The following ECT2L variants were observed in gnomAD, a reference collection of about 807,000 sequenced individuals.
ECT2L encodes the protein epithelial cell-transforming sequence 2 oncogene-like.
In ECT2L, 126 loss-of-function variants were observed where a neutral mutation model predicts 122.8. That is an observed-to-expected ratio of 1.03 (90% confidence interval 0.89 to 1.19). The LOEUF is 1.19. Ranked by LOEUF, ECT2L falls within the 50% of genes most tolerant of loss-of-function variation. The pLI, the probability that ECT2L is intolerant of heterozygous loss-of-function variation, is 0.00. For missense variants in ECT2L, 1,012 were observed against 1,064.1 expected, an observed-to-expected ratio of 0.95 and a Z score of 0.68; for synonymous variants, 385 against 381.8, an observed-to-expected ratio of 1.01 and a Z score of -0.10.
chr6:138,891,733 T>C (rs1779034700), intron 20 of ECT2L, among the ~76,000 whole-genome samples: 1 of 152,202 alleles, frequency 6.6e-6, no homozygotes, highest in Admixed American at 6.5e-5. Flanking sequence ...CCCAACCATC[T>C]TGGGCACATT....
chr6:138,825,631 G>A (rs1461630200), intron 4 of ECT2L, among the ~76,000 whole-genome samples: 1 of 151,872 alleles, frequency 6.6e-6, no homozygotes, highest in East Asian at 1.9e-4. Flanking sequence ...GCAAAAAGAG[G>A]GAAATACCAA....
intron 1 of ECT2L, among the ~76,000 whole-genome samples, chr6:138,804,767 AT>A (rs1562448844): frequency 6.6e-6 from 1 of 152,154 alleles, no homozygotes; most frequent in Non-Finnish European, 1.5e-5. Flanking sequence ...AAGTTTTATA[AT>A]TTTCTTCATA....
rs201386709 is a variant in ECT2L, at chr6:138,882,754, G to A, written c.1911G>A (p.Leu637=). The A allele has an allele frequency of 3.1e-4, 499 of 1,614,088 alleles. No individual in the cohort carries two copies. The highest frequency in any genetic ancestry group is 4.1e-4 in the Non-Finnish European group (487 of 1,180,036). ...TTCTAGATAACCTGAGAGACAGACT[G>A]CAGGAATGGGGCCCAGCTCACTGTG... ...RQFLDNLRDR[L]QEWGPAHCVG... The change falls in exon 16 of 22, where the codon CTG becomes CTA. Residue 637 remains leucine, a synonymous_variant. Transcript: ENST00000541398.
intron 4 of ECT2L, among the ~76,000 whole-genome samples, chr6:138,824,658 TATGAGACGGC>T (rs1191798120): frequency 6.6e-6 from 1 of 151,740 alleles, no homozygotes; most frequent in Non-Finnish European, 1.5e-5. Context: ...CAGCAAAGGT[TATGAGACGGC>T]ATTAAGCAGG....
At chr6:138,892,640 C>A (rs1779069012) in intron 20 of ECT2L, among the ~76,000 whole-genome samples, 1 of 152,158 alleles carries the variant, frequency 6.6e-6, no homozygotes, top group African/African-American at 2.4e-5. Context: ...ATTACAGGCA[C>A]GTGCCACCAC....
chr6:138,898,417 C>A (rs1276773536), intron 20 of ECT2L, among the ~76,000 whole-genome samples: 1 of 152,202 alleles, frequency 6.6e-6, no homozygotes, highest in African/African-American at 2.4e-5. Flanking sequence ...TAAAACAACT[C>A]CTACTTCCTA....
chr6:138,847,239 G>A (rs967706305), intron 8 of ECT2L, among the ~76,000 whole-genome samples: 3 of 151,278 alleles, frequency 2.0e-5, no homozygotes, highest in East Asian at 3.9e-4. Flanking sequence ...CTCCAACCTG[G>A]GTGACAGAGT....
chr6:138,894,312 C>T (rs1285170003), intron 20 of ECT2L, among the ~76,000 whole-genome samples: 3 of 152,098 alleles, frequency 2.0e-5, no homozygotes, highest in Non-Finnish European at 4.4e-5. Flanking sequence ...GCCTCAGCCT[C>T]CCAAAGTGCT....
intron 4 of ECT2L, among the ~76,000 whole-genome samples, chr6:138,830,795 C>T (rs1776624799): frequency 6.6e-6 from 1 of 152,150 alleles, no homozygotes; most frequent in South Asian, 2.1e-4. Context: ...TGTGGGCATT[C>T]CTCCAGCCTG....
intron 3 of ECT2L, 28 bp from the exon 4 acceptor site, chr6:138,814,463 A>T (rs565747734): frequency 7.0e-6 from 10 of 1,435,902 alleles, no homozygotes; most frequent in Admixed American, 3.5e-5. Flanking sequence ...TGTACAGCAA[A>T]TGTCACTTCC....
At chr6:138,899,723 C>T (rs944567632) in intron 20 of ECT2L, among the ~76,000 whole-genome samples, 1 of 151,572 alleles carries the variant, frequency 6.6e-6, no homozygotes, top group Non-Finnish European at 1.5e-5. Context: ...ATTGGAGTAA[C>T]TTCCTGAGGG....
Position 138,822,712 on chromosome 6 carries a change from G to T in ECT2L, c.179+8109G>T. The stretch of plus-strand genomic sequence containing the variant: ...TCCCAGCGTGAGCGACGCAGAAGAC[G>T]GGTGATTTCTGCATTTCCATCTGAG... On this transcript the variant is annotated intron_variant, in intron 4 of 21. Coordinates refer to ENST00000541398, the MANE Select transcript of ECT2L (RefSeq NM_001077706.3). 7 of 1,555,556 alleles carry T rather than the reference G, an allele frequency of 4.5e-6. No homozygotes were observed. The South Asian group carries it at 7.2e-5, about 16-fold the overall frequency.
chr6:138,837,671 A>C (rs1776888167), intron 4 of ECT2L, among the ~76,000 whole-genome samples: 1 of 151,870 alleles, frequency 6.6e-6, no homozygotes, highest in South Asian at 2.1e-4. Context: ...AATTAAAAAA[A>C]CCCAAAAACG....
intron 4 of ECT2L, among the ~76,000 whole-genome samples, chr6:138,826,655 T>G (rs1776463723): frequency 6.6e-6 from 1 of 151,912 alleles, no homozygotes; most frequent in Admixed American, 6.6e-5. Flanking sequence ...CAACAGACAC[T>G]CCATCTCAAA....
chr6:138,844,711 G>A, intron 7 of ECT2L, 131 bp downstream of exon 7: 1 of 783,234 alleles, frequency 1.3e-6, no homozygotes, highest in South Asian at 2.2e-5. Flanking sequence ...TATCAGTAAA[G>A]ATAATTAATT....
At chr6:138,806,505 T>C (rs945831728) in intron 1 of ECT2L, among the ~76,000 whole-genome samples, 12 of 118,764 alleles carry the variant, frequency 1.0e-4, no homozygotes, top group African/African-American at 3.7e-4. Context: ...CAGCTGAAAA[T>C]TCACGCTTTT....
intron 4 of ECT2L, among the ~76,000 whole-genome samples, chr6:138,827,985 G>A (rs1049370456): frequency 5.9e-5 from 9 of 151,400 alleles, no homozygotes; most frequent in Non-Finnish European, 8.8e-5. Context: ...TGTGCACAAC[G>A]TGCAGGTTAC....
At chr6:138,799,410 C>G (rs750212047) in intron 1 of ECT2L, among the ~76,000 whole-genome samples, 1 of 152,098 alleles carries the variant, frequency 6.6e-6, no homozygotes, top group African/African-American at 2.4e-5. Context: ...CCCGCCACCA[C>G]GCCCGGCTTA....
chr6:138,881,142 T>C lies in ECT2L; in HGVS notation c.1851T>C (p.Cys617=), dbSNP rs756698800. ...LSAANIQIIF[C]DILQILSLNR... ...CTGCCAATATCCAGATCATTTTCTG[T>C]GACATTCTACAGATTTTAAGTCTCA... Residue 617 remains cysteine, a synonymous_variant, in exon 15 of 22, where the codon TGT becomes TGC. Transcript: ENST00000541398. The C allele has an allele frequency of 1.2e-6, 2 of 1,614,140 alleles. No individual in the cohort carries two copies. The highest frequency in any genetic ancestry group is 1.1e-5 in the South Asian group (1 of 91,078).
Sources: gnomAD v4.1 joint callset for allele counts (sites outside exome capture counted in the v4.1 genomes callset) on GRCh38, gnomAD v4.1.1 for gene constraint, MANE v1.5 for transcripts, NCBI Gene and HGNC (gene_info 2026-07-23, HGNC 2026-07-21) for gene names.